The following SLC8A1 variants were observed in gnomAD, a reference collection of about 807,000 sequenced individuals.
The protein encoded by SLC8A1 is sodium/calcium exchanger 1.
In SLC8A1, 18 loss-of-function variants were observed where a neutral mutation model predicts 68.3. The observed-to-expected ratio is 0.26, with a 90% CI of 0.18 to 0.39. The LOEUF (loss-of-function observed/expected upper bound fraction) is 0.39. SLC8A1 is among the 10% of genes least tolerant of loss of function. SLC8A1 has a pLI of 1.00. For synonymous variants in SLC8A1, 475 were observed against 415.5 expected (o/e 1.14, Z -1.74); for missense variants, 985 against 1,156.7 (o/e 0.85, Z 2.15).
At chr2:40,393,748 T>C (rs1017673431) in intron 2 of SLC8A1, among the ~76,000 whole-genome samples, 1 of 152,156 alleles carries the variant, frequency 6.6e-6, no homozygotes, top group Non-Finnish European at 1.5e-5. Context: ...ATACTACAGT[T>C]GGAAAATTAG....
intron 1 of SLC8A1, among the ~76,000 whole-genome samples, chr2:40,481,085 A>G (rs1704597882): frequency 6.6e-6 from 1 of 152,226 alleles, no homozygotes; most frequent in African/African-American, 2.4e-5. Context: ...AAGTCATTTT[A>G]CAAAAGAAAG....
intron 2 of SLC8A1, chr2:40,209,136 T>C (rs997862497): frequency 6.6e-6 from 1 of 152,054 alleles, no homozygotes; most frequent in African/African-American, 2.4e-5. Context: ...AGATGTGCTA[T>C]GGAAAGAGTA....
chr2:40,226,174 C>A (rs2148869550), intron 2 of SLC8A1, among the ~76,000 whole-genome samples: 1 of 152,214 alleles, frequency 6.6e-6, no homozygotes, highest in Admixed American at 6.5e-5. Flanking sequence ...ACAGGGGAGC[C>A]TGCTGGGCAA....
rs568738537 is a variant in SLC8A1, at chr2:40,234,215, T to G, written c.1809-56360A>C. On this transcript the variant is annotated intron_variant, in intron 2 of 7. Coordinates refer to ENST00000406785, the Ensembl canonical transcript of SLC8A1. ...AGTATGGCCATTTTCATGATATTGA[T>G]TCTTCCTACCCATGAGCATGGAATG... is the stretch of plus-strand genomic sequence containing the variant. Among the ~76,000 whole-genome samples, 7 of 152,228 alleles carry G rather than the reference T, an allele frequency of 4.6e-5. No individual in the cohort carries two copies. The East Asian group carries it at 7.7e-4, about 17-fold the overall frequency.
chr2:40,210,471 C>G (rs959807065), intron 2 of SLC8A1, among the ~76,000 whole-genome samples: 3 of 152,038 alleles, frequency 2.0e-5, no homozygotes, highest in African/African-American at 7.2e-5. Context: ...TAAACAGGAC[C>G]CAACCAAATC....
chr2:40,384,807 T>C (rs906199427), intron 2 of SLC8A1, among the ~76,000 whole-genome samples: 3 of 152,096 alleles, frequency 2.0e-5, no homozygotes, highest in Non-Finnish European at 4.4e-5. Context: ...CTTTTACAAT[T>C]TTTTCCCGGC....
exon 8 of SLC8A1, chr2:40,097,900 G>C (rs771874072): frequency 6.6e-6 from 1 of 151,812 alleles, no homozygotes; most frequent in African/African-American, 2.4e-5. Flanking sequence ...ACATGATTAC[G>C]ACAGAGATGC....
At chr2:40,476,139 G>T (rs1042631336) in intron 1 of SLC8A1, among the ~76,000 whole-genome samples, 10 of 152,132 alleles carry the variant, frequency 6.6e-5, no homozygotes, top group African/African-American at 2.4e-4. Flanking sequence ...AAGTGTAAAA[G>T]TCTATTACAG....
At chr2:40,250,963 G>C (rs1299168426) in intron 2 of SLC8A1, 2 of 152,140 alleles carry the variant, frequency 1.3e-5, no homozygotes, top group Non-Finnish European at 2.9e-5. Context: ...ACTCCCACCA[G>C]CTATCAAATG....
At chr2:40,133,143 A>G (rs973672222) in intron 7 of SLC8A1, among the ~76,000 whole-genome samples, 1 of 152,182 alleles carries the variant, frequency 6.6e-6, no homozygotes, top group African/African-American at 2.4e-5. Flanking sequence ...GGTTAAAGCC[A>G]TGCAGTAAGT....
At chr2:40,364,006 A>G (rs1675315649) in intron 2 of SLC8A1, among the ~76,000 whole-genome samples, 1 of 151,964 alleles carries the variant, frequency 6.6e-6, no homozygotes, top group African/African-American at 2.4e-5. Context: ...AATCAGAATA[A>G]CCCTGGATGT....
chr2:40,352,398 C>T (rs1023027410), intron 2 of SLC8A1, among the ~76,000 whole-genome samples: 3 of 152,100 alleles, frequency 2.0e-5, no homozygotes, highest in Non-Finnish European at 4.4e-5. Flanking sequence ...CCTTATGCTT[C>T]CCGTGTTATT....
intron 2 of SLC8A1, among the ~76,000 whole-genome samples, chr2:40,408,439 C>T (rs535791875): frequency 1.3e-5 from 2 of 152,186 alleles, no homozygotes; most frequent in Non-Finnish European, 2.9e-5. Context: ...AAGAGATTCT[C>T]TCCTGTTTCA....
chr2:40,155,455 T>G (rs1232775276), intron 6 of SLC8A1, among the ~76,000 whole-genome samples: 3 of 152,118 alleles, frequency 2.0e-5, no homozygotes, highest in African/African-American at 7.2e-5. Context: ...CTGCTTAAAT[T>G]GGATTTTCAG....
intron 2 of SLC8A1, among the ~76,000 whole-genome samples, chr2:40,337,679 T>C (rs981414032): frequency 3.3e-5 from 5 of 152,200 alleles, no homozygotes; most frequent in African/African-American, 1.2e-4. Flanking sequence ...ATTTATTTTC[T>C]TGTGAGTTAC....
intron 2 of SLC8A1, among the ~76,000 whole-genome samples, chr2:40,230,269 A>C (rs184037626): frequency 2.6e-4 from 39 of 152,274 alleles, no homozygotes; most frequent in Middle Eastern, 3.4e-3. Context: ...TGTTTATAGA[A>C]ATCCTTGGCT....
At chr2:40,454,232 C>T (rs1047691659), upstream of SLC8A1, among the ~76,000 whole-genome samples, 2 of 152,114 alleles carry the variant, frequency 1.3e-5, no homozygotes, top group Non-Finnish European at 2.9e-5. Flanking sequence ...TAACTAAAGA[C>T]TCCACTCAAT....
exon 2 of SLC8A1, chr2:40,428,647 G>A: frequency 6.2e-7 from 1 of 1,613,738 alleles, no homozygotes; most frequent in Non-Finnish European, 8.5e-7. Context: ...ATGAGTCACA[G>A]GTTCCTCAAA....
chr2:40,377,357 T>C (rs1301204745), intron 2 of SLC8A1, among the ~76,000 whole-genome samples: 1 of 152,064 alleles, frequency 6.6e-6, no homozygotes, highest in African/African-American at 2.4e-5. Flanking sequence ...ATACCTTGAG[T>C]GCAGGCTTGT....
Sources: gnomAD v4.1 joint callset for allele counts (sites outside exome capture counted in the v4.1 genomes callset) on GRCh38, gnomAD v4.1.1 for gene constraint, MANE v1.5 for transcripts, NCBI Gene and HGNC (gene_info 2026-07-23, HGNC 2026-07-21) for gene names.